MNAT1: variants seen among roughly 807,000 people sequenced by gnomAD.
MNAT1 encodes the protein CDK-activating kinase assembly factor MAT1.
A neutral mutation model predicts 42.0 loss-of-function variants in MNAT1; 43 were observed. The ratio of observed to expected loss-of-function variants is 1.02; its 90% CI spans 0.80 to 1.32. The LOEUF is 1.32. Ranked by LOEUF, MNAT1 falls within the 40% of genes most tolerant of loss-of-function variation. The pLI, the probability that MNAT1 is intolerant of heterozygous loss-of-function variation, is 0.00. For missense variants in MNAT1, 306 were observed against 350.4 expected (o/e 0.87, Z 1.01); for synonymous variants, 118 against 120.0 (o/e 0.98, Z 0.11).
intron 6 of MNAT1, among the ~76,000 whole-genome samples, chr14:60,853,631 A>G (rs1008088742): frequency 1.3e-5 from 2 of 152,224 alleles, no homozygotes; most frequent in Admixed American, 6.5e-5. Context: ...GCCAGTTTTC[A>G]AAGGGAATGC....
chr14:60,749,367 C>T (rs2029970683), intron 1 of MNAT1, among the ~76,000 whole-genome samples: 1 of 152,090 alleles, frequency 6.6e-6, no homozygotes, highest in Non-Finnish European at 1.5e-5. Context: ...TTTAGGGATA[C>T]AAATACAAAT....
chr14:60,929,232 T>C (rs1228348851), intron 7 of MNAT1, among the ~76,000 whole-genome samples: 9 of 147,014 alleles, frequency 6.1e-5, no homozygotes, highest in African/African-American at 1.5e-4. Context: ...TCCTAGAGTG[T>C]GGTTTGTTAT....
At chr14:60,776,351 T>C (rs1365651452) in intron 1 of MNAT1, among the ~76,000 whole-genome samples, 1 of 151,974 alleles carries the variant, frequency 6.6e-6, no homozygotes, top group African/African-American at 2.4e-5. Flanking sequence ...GAGAGATATA[T>C]ATATATTGAT....
chr14:60,835,478 T>A (rs1457939480), intron 6 of MNAT1, among the ~76,000 whole-genome samples: 1 of 152,146 alleles, frequency 6.6e-6, no homozygotes, highest in African/African-American at 2.4e-5. Context: ...TGTAAAGGAT[T>A]TTATTTCCTC....
intron 1 of MNAT1, among the ~76,000 whole-genome samples, chr14:60,793,058 G>C (rs936935903): frequency 6.7e-6 from 1 of 150,002 alleles, no homozygotes; most frequent in African/African-American, 2.5e-5. Context: ...TTGCTCTGTC[G>C]CCCAGACTGG....
In MNAT1 at chr14:60,944,563, G is replaced by A. The variant is rs566783308; in HGVS notation, c.810-23666G>A. ...GTGGTATTTTGTTATAGCAGTTGAA[G>A]TAGACAAATAGACTATTACCATATA... On this transcript the variant is annotated intron_variant, in intron 7 of 7. Transcript: ENST00000261245. 2.0e-5 allele frequency among the ~76,000 whole-genome samples: 3 copies of A among 152,314 alleles called. No individual in the cohort carries two copies. In the South Asian group the frequency reaches 6.2e-4, roughly 32 times the overall value.
At chr14:60,812,686 C>CCTTTTTTG (rs1375427265) in intron 5 of MNAT1, among the ~76,000 whole-genome samples, 1 of 152,186 alleles carries the variant, frequency 6.6e-6, no homozygotes, top group African/African-American at 2.4e-5. Context: ...TTCACTTCAA[C>CCTTTTTTG]CTTTTTTGCT....
chr14:60,853,364 A>C (rs954927087), intron 6 of MNAT1, among the ~76,000 whole-genome samples: 1 of 152,120 alleles, frequency 6.6e-6, no homozygotes, highest in African/African-American at 2.4e-5. Flanking sequence ...GTTGCTGTGT[A>C]GGAATACTTG....
intron 1 of MNAT1, chr14:60,780,217 A>G: frequency 1.4e-6 from 2 of 1,450,238 alleles, no homozygotes; most frequent in South Asian, 2.3e-5. Context: ...ACAAGTGTTC[A>G]GTTCAGAAAC....
At chr14:60,952,446 T>C (rs1271522468) in intron 7 of MNAT1, among the ~76,000 whole-genome samples, 1 of 152,202 alleles carries the variant, frequency 6.6e-6, no homozygotes, top group African/African-American at 2.4e-5. Context: ...CTATTCACAT[T>C]AGTCTGTGAA....
At chr14:60,864,701 C>T (rs2034166647) in intron 6 of MNAT1, among the ~76,000 whole-genome samples, 1 of 151,944 alleles carries the variant, frequency 6.6e-6, no homozygotes, top group Non-Finnish European at 1.5e-5. Flanking sequence ...GGTATCAAGT[C>T]AGTGTCTTAA....
intron 7 of MNAT1, among the ~76,000 whole-genome samples, chr14:60,905,882 C>G (rs4151339): frequency 6.6e-6 from 1 of 152,140 alleles, no homozygotes; most frequent in Non-Finnish European, 1.5e-5. Context: ...AACACCTTCA[C>G]AGACGCACCC....
At chr14:60,838,870 G>A (rs2033468808) in intron 6 of MNAT1, among the ~76,000 whole-genome samples, 1 of 152,194 alleles carries the variant, frequency 6.6e-6, no homozygotes, top group Non-Finnish European at 1.5e-5. Context: ...GCCAAGCCTG[G>A]GTGTGGTGGC....
intron 7 of MNAT1, among the ~76,000 whole-genome samples, chr14:60,967,915 A>C (rs1251883665): frequency 6.6e-6 from 1 of 152,240 alleles, no homozygotes; most frequent in Non-Finnish European, 1.5e-5. Context: ...GTGTCCAAAA[A>C]ACAGCCAACA....
chr14:60,895,274 A>G (rs1170174981), intron 7 of MNAT1, among the ~76,000 whole-genome samples: 1 of 152,192 alleles, frequency 6.6e-6, no homozygotes, highest in African/African-American at 2.4e-5. Context: ...TGTAGACCTA[A>G]AAATATATTT....
chr14:60,772,078 C>G (rs1354615147), intron 1 of MNAT1, among the ~76,000 whole-genome samples: 1 of 152,032 alleles, frequency 6.6e-6, no homozygotes, highest in African/African-American at 2.4e-5. Flanking sequence ...TTTAAGGGCT[C>G]TAAGATTATT....
intron 6 of MNAT1, among the ~76,000 whole-genome samples, chr14:60,856,537 A>C (rs1211211721): frequency 2.0e-5 from 3 of 152,120 alleles, no homozygotes; most frequent in African/African-American, 7.2e-5. Context: ...ACATCCTTCT[A>C]CTGAAAGATG....
intron 1 of MNAT1, among the ~76,000 whole-genome samples, chr14:60,793,060 C>G (rs2031879863): frequency 1.3e-5 from 2 of 151,850 alleles, no homozygotes; most frequent in African/African-American, 4.8e-5. Context: ...GCTCTGTCGC[C>G]CAGACTGGAG....
intron 5 of MNAT1, among the ~76,000 whole-genome samples, chr14:60,818,382 T>C (rs1272086296): frequency 2.0e-5 from 3 of 152,092 alleles, no homozygotes; most frequent in African/African-American, 4.8e-5. Context: ...GAATGCGTCT[T>C]AGATAAACAT....
Sources: gnomAD v4.1 joint callset for allele counts (sites outside exome capture counted in the v4.1 genomes callset) on GRCh38, gnomAD v4.1.1 for gene constraint, MANE v1.5 for transcripts, NCBI Gene and HGNC (gene_info 2026-07-23, HGNC 2026-07-21) for gene names.